ARHGEF12: variants seen among roughly 807,000 people sequenced by gnomAD.
The protein encoded by ARHGEF12 is KMT2A/ARHGEF12 fusion protein.
A neutral mutation model predicts 211.2 loss-of-function variants in ARHGEF12; 66 were observed. The ratio of observed to expected loss-of-function variants is 0.31; its 90% confidence interval spans 0.26 to 0.38. The LOEUF (loss-of-function observed/expected upper bound fraction) is 0.38, where lower values mean the gene tolerates loss of function less well. Ranked by LOEUF, ARHGEF12 falls within the 10% of genes least tolerant of loss-of-function variation. ARHGEF12 has a pLI of 1.00. For synonymous variants in ARHGEF12, 592 were observed against 638.4 expected, an observed-to-expected ratio of 0.93 and a Z score of 1.09; for missense variants, 1,429 against 1,869.5, an observed-to-expected ratio of 0.76 and a Z score of 4.34.
At chr11:120,403,110 A>T (rs1591547212) in intron 1 of ARHGEF12, among the ~76,000 whole-genome samples, 2 of 152,370 alleles carry the variant, frequency 1.3e-5, no homozygotes, top group East Asian at 3.9e-4. Flanking sequence ...TCAGAATTTA[A>T]CAAGGAAAAG....
intron 11 of ARHGEF12, among the ~76,000 whole-genome samples, chr11:120,435,762 C>T (rs997636933): frequency 2.0e-5 from 3 of 151,898 alleles, no homozygotes; most frequent in African/African-American, 7.3e-5. Flanking sequence ...GTGATCCACC[C>T]GCCTCAGCCT....
chr11:120,435,681 A>T (rs1219268832), intron 11 of ARHGEF12, among the ~76,000 whole-genome samples: 2 of 151,018 alleles, frequency 1.3e-5, no homozygotes, highest in African/African-American at 4.9e-5. Flanking sequence ...TGCCCGGCTA[A>T]TTTTTTTTGT....
intron 1 of ARHGEF12, among the ~76,000 whole-genome samples, chr11:120,378,428 G>C (rs1943790475): frequency 6.6e-6 from 1 of 152,110 alleles, no homozygotes; most frequent in Non-Finnish European, 1.5e-5. Context: ...TCTGTTTGTG[G>C]CTTGTCCTTT....
At chr11:120,418,861 T>C (rs1945102965) in intron 4 of ARHGEF12, among the ~76,000 whole-genome samples, 1 of 152,206 alleles carries the variant, frequency 6.6e-6, no homozygotes, top group African/African-American at 2.4e-5. Flanking sequence ...CCCTTTAACA[T>C]TTGTCTTCCA....
chr11:120,459,100 C>G (rs1946446194), intron 25 of ARHGEF12, 74 bp from the exon 26 acceptor site: 1 of 1,204,458 alleles, frequency 8.3e-7, no homozygotes, highest in Admixed American at 2.8e-5. Flanking sequence ...CTACTTCACT[C>G]CAGCTAAAGA....
chr11:120,461,985 T>TTCAAACTTCCTCCATACCAGC (rs1555119012), intron 27 of ARHGEF12, among the ~76,000 whole-genome samples: 29,547 of 152,116 alleles, frequency 0.19, 3,177 homozygotes, highest in Non-Finnish European at 0.23. Context: ...TTATACAGAC[T>TTCAAACTTCCTCCATACCAGC]AATAGGCTGT....
intron 1 of ARHGEF12, among the ~76,000 whole-genome samples, chr11:120,352,709 TG>T (rs1237538291): frequency 1.3e-5 from 2 of 152,220 alleles, no homozygotes; most frequent in African/African-American, 4.8e-5. Flanking sequence ...TTTGCCTGGC[TG>T]GGGTTTGTGT....
rs1262329615 is a variant in ARHGEF12, at chr11:120,487,639, C to T, written c.*2562C>T. 4.6e-6 allele frequency: 1 copy of T among 215,584 alleles called. No homozygotes were observed. Among genetic ancestry groups the T allele is most frequent in the African/African-American group, 2.3e-5 (1 of 44,278 alleles). 13.4% of individuals were successfully genotyped at this position (215,584 alleles called of 1,614,324 possible). On this transcript the variant is annotated 3_prime_UTR_variant, in exon 41 of 41. Coordinates refer to ENST00000397843, the MANE Select transcript of ARHGEF12 (RefSeq NM_015313.3). ...CGTGACTAGAAGTTGAAATCTACTT[C>T]CCTGCTAAAGGGCACAGGGGTGGTG... is the stretch of plus-strand genomic sequence containing the variant.
chr11:120,444,552 T>C (rs192906411), intron 15 of ARHGEF12, among the ~76,000 whole-genome samples: 3 of 152,342 alleles, frequency 2.0e-5, no homozygotes, highest in Admixed American at 2.0e-4. Context: ...TTCAAATGAA[T>C]ATAAAGAGAT....
At chr11:120,411,869 A>G (rs1944893491) in intron 4 of ARHGEF12, 1 of 151,324 alleles carries the variant, frequency 6.6e-6, no homozygotes, top group African/African-American at 2.4e-5. Flanking sequence ...CATGTTGCCC[A>G]GGCTGATCTC....
intron 39 of ARHGEF12, among the ~76,000 whole-genome samples, chr11:120,482,761 G>A (rs981089996): frequency 4.1e-5 from 6 of 147,666 alleles, no homozygotes; most frequent in African/African-American, 1.5e-4. Context: ...AAAAAAAAAA[G>A]TTTGCCATCA....
chr11:120,413,316 T>C (rs1468142820), intron 4 of ARHGEF12, among the ~76,000 whole-genome samples: 3 of 152,250 alleles, frequency 2.0e-5, no homozygotes, highest in Admixed American at 6.5e-5. Context: ...ATTGCCCAGC[T>C]ACTTTTGTTG....
At chr11:120,470,278 G>T (rs1591634044) in intron 30 of ARHGEF12, among the ~76,000 whole-genome samples, 1 of 152,316 alleles carries the variant, frequency 6.6e-6, no homozygotes, top group African/African-American at 2.4e-5. Flanking sequence ...TTAACCTCTT[G>T]CAGCAATCTA....
At position 120,407,821 on chromosome 11, in the gene ARHGEF12, C is replaced by T. The variant is rs1448894865; in HGVS notation, c.140C>T (p.Thr47Ile). The T allele has an allele frequency of 3.1e-6, 5 of 1,612,170 alleles. No individual in the cohort carries two copies. Among genetic ancestry groups the T allele is most frequent in the African/African-American group, 1.3e-5 (1 of 74,980 alleles). Residue 47 changes from threonine to isoleucine, a missense_variant and splice_region_variant, in exon 3 of 41, where the codon ACA becomes ATA. By Grantham distance (89) the Thr-to-Ile change is moderately conservative. This residue lies in a region of ARHGEF12 where 60 missense variants were observed against 121.0 expected (regional missense o/e 0.50). Transcript: ENST00000397843. ...ERIASHDFDP[T>I]DSSSKKTKSS... ...ATTGCATCACATGATTTTGACCCCA[C>T]AGGTAAAACACTATTCATTCTTTCA... is the stretch of plus-strand genomic sequence containing the variant.
chr11:120,347,508 T>C (rs918581581), intron 1 of ARHGEF12, among the ~76,000 whole-genome samples: 5 of 152,110 alleles, frequency 3.3e-5, no homozygotes, highest in Admixed American at 3.3e-4. Flanking sequence ...ATAAAAATCC[T>C]GTGTTCACCC....
At chr11:120,472,393 G>A (rs1044104319) in intron 30 of ARHGEF12, among the ~76,000 whole-genome samples, 2 of 152,110 alleles carry the variant, frequency 1.3e-5, no homozygotes, top group Non-Finnish European at 2.9e-5. Context: ...GGAAAATTGA[G>A]GGGGGTGGGG....
At chr11:120,359,048 T>G (rs1488917509) in intron 1 of ARHGEF12, among the ~76,000 whole-genome samples, 2 of 152,146 alleles carry the variant, frequency 1.3e-5, no homozygotes, top group Non-Finnish European at 2.9e-5. Context: ...GTGAGGCAGC[T>G]GGCTTTGCCC....
At chr11:120,439,045 G>A (rs1945786014) in intron 12 of ARHGEF12, 1 of 152,126 alleles carries the variant, frequency 6.6e-6, no homozygotes, top group African/African-American at 2.4e-5. Context: ...TTAGAGATGG[G>A]TCTTGTTGTT....
chr11:120,376,724 T>C (rs902569864), intron 1 of ARHGEF12, among the ~76,000 whole-genome samples: 8 of 152,176 alleles, frequency 5.3e-5, no homozygotes, highest in South Asian at 2.1e-4. Flanking sequence ...CACTCTGTTA[T>C]ATCAAATACT....
Sources: gnomAD v4.1 joint callset for allele counts (sites outside exome capture counted in the v4.1 genomes callset) on GRCh38, gnomAD v4.1.1 for gene constraint, gnomAD v4.1.1 regional missense constraint, MANE v1.5 for transcripts, NCBI Gene and HGNC (gene_info 2026-07-23, HGNC 2026-07-21) for gene names.